The following TMCC3 variants were observed in gnomAD, a reference collection of about 807,000 sequenced individuals.
TMCC3 encodes transmembrane and coiled-coil domain protein 3.
TMCC3 carries 28 observed loss-of-function variants against 40.2 expected under a neutral mutation model. The ratio of observed to expected loss-of-function variants is 0.70; its 90% CI spans 0.52 to 0.95. The LOEUF is 0.95. Among genes scored for constraint, TMCC3 ranks in the 40% least tolerant of loss-of-function variants. The pLI, the probability that TMCC3 is intolerant of heterozygous loss-of-function variation, is 0.00. For synonymous variants in TMCC3, 255 were observed against 248.5 expected, an observed-to-expected ratio of 1.03 and a Z score of -0.25; for missense variants, 554 against 615.2, an observed-to-expected ratio of 0.90 and a Z score of 1.05.
intron 1 of TMCC3, among the ~76,000 whole-genome samples, chr12:94,627,793 C>A (rs1244846451): frequency 6.6e-6 from 1 of 152,238 alleles, no homozygotes; most frequent in Non-Finnish European, 1.5e-5. Flanking sequence ...GCCCTCTTGT[C>A]TATTTCTCAG....
At chr12:94,628,647 T>C (rs58012536) in intron 1 of TMCC3, among the ~76,000 whole-genome samples, 12,295 of 152,252 alleles carry the variant, frequency 0.081, 531 homozygotes, top group South Asian at 0.17. Flanking sequence ...AACAGCGAGA[T>C]GGACCCTTTC....
chr12:94,579,931 C>T (rs7977700), intron 2 of TMCC3, among the ~76,000 whole-genome samples: 94,948 of 152,046 alleles, frequency 0.62, 30,572 homozygotes, highest in African/African-American at 0.79. Flanking sequence ...TTCGATAGAA[C>T]TGACGTTCAT....
intron 1 of TMCC3, among the ~76,000 whole-genome samples, chr12:94,592,393 A>C: frequency 6.6e-6 from 1 of 151,834 alleles, no homozygotes; most frequent in Non-Finnish European, 1.5e-5. Flanking sequence ...TAATCTAAGT[A>C]CTTTGGGAGG....
At chr12:94,595,863 G>GA (rs11360831) in intron 1 of TMCC3, among the ~76,000 whole-genome samples, 8 of 151,016 alleles carry the variant, frequency 5.3e-5, no homozygotes, top group Non-Finnish European at 1.0e-4. Context: ...TCCACTTAAA[G>GA]AAAAAAAAAA....
chr12:94,594,709 G>A (rs548699344), intron 1 of TMCC3, among the ~76,000 whole-genome samples: 1 of 152,260 alleles, frequency 6.6e-6, no homozygotes, highest in Non-Finnish European at 1.5e-5. Flanking sequence ...AGAGAAAAGA[G>A]GCCAAGCCTG....
At chr12:94,590,894 T>C in intron 1 of TMCC3, 2 of 583,550 alleles carry the variant, frequency 3.4e-6, no homozygotes, top group African/African-American at 1.9e-5. Flanking sequence ...GGGCTCAGCC[T>C]AGATGAGTGA....
chr12:94,582,266 C>T lies in TMCC3; in HGVS notation c.351G>A (p.Lys117=). The change falls in exon 2 of 4, where the codon AAG becomes AAA. Residue 117 remains lysine (K), a synonymous_variant. Coordinates refer to ENST00000261226, the MANE Select transcript of TMCC3 (RefSeq NM_020698.4). The stretch of plus-strand genomic sequence containing the variant: ...TGGAGTGAGCTGATTTCTGATTCTT[C>T]TTCTCAAAGACTTGCTTGATACGTC... ...QAGRIKQVFE[K]KNQKSAHSIA... The T allele has an allele frequency of 6.2e-7, 1 of 1,614,144 alleles. No homozygotes were observed. Among genetic ancestry groups the T allele is most frequent in the Non-Finnish European group, 8.5e-7 (1 of 1,180,048 alleles).
chr12:94,576,978 T>C (rs2068569078), intron 3 of TMCC3, among the ~76,000 whole-genome samples: 1 of 152,190 alleles, frequency 6.6e-6, no homozygotes, highest in Non-Finnish European at 1.5e-5. Flanking sequence ...AAGAATGACT[T>C]GCAAGACCTT....
chr12:94,634,761 G>T (rs2068951532), intron 1 of TMCC3, among the ~76,000 whole-genome samples: 1 of 152,146 alleles, frequency 6.6e-6, no homozygotes, highest in Admixed American at 6.5e-5. Flanking sequence ...TTTAATTTTG[G>T]TGCCCACATG....
At chr12:94,588,697 C>A (rs1555282244) in intron 1 of TMCC3, among the ~76,000 whole-genome samples, 9 of 152,190 alleles carry the variant, frequency 5.9e-5, no homozygotes, top group Non-Finnish European at 1.3e-4. Flanking sequence ...ACATTTTTTA[C>A]TATTAATCAC....
At chr12:94,610,241 G>A (rs1324223147) in intron 1 of TMCC3, among the ~76,000 whole-genome samples, 1 of 152,166 alleles carries the variant, frequency 6.6e-6, no homozygotes, top group African/African-American at 2.4e-5. Flanking sequence ...TGCACTGGAG[G>A]TAGAAGAAAG....
intron 1 of TMCC3, among the ~76,000 whole-genome samples, chr12:94,629,071 G>A (rs1376339991): frequency 6.6e-6 from 1 of 152,112 alleles, no homozygotes; most frequent in Non-Finnish European, 1.5e-5. Context: ...TTCCATCTGA[G>A]TCAAATCAAA....
In TMCC3 at chr12:94,589,352, A is replaced by C. The variant is rs2068658008; in HGVS notation, c.79-6814T>G. Among the ~76,000 whole-genome samples the C allele has an allele frequency of 2.0e-5, 3 of 152,182 alleles. No individual in the cohort carries two copies. The South Asian group carries it at 6.2e-4, about 32-fold the overall frequency. ...TATAAAAGAAAGGCTTATTCCATGCAAATGCTAGAAAGTTGGCTGTGAGTC... is the reference window on the plus strand; with the variant it reads ...TATAAAAGAAAGGCTTATTCCATGCCAATGCTAGAAAGTTGGCTGTGAGTC... On this transcript the variant is annotated intron_variant, in intron 1 of 3. Transcript: ENST00000261226.
At chr12:94,643,675 G>A (rs2138887180) in intron 1 of TMCC3, among the ~76,000 whole-genome samples, 1 of 152,290 alleles carries the variant, frequency 6.6e-6, no homozygotes, top group South Asian at 2.1e-4. Flanking sequence ...GCAAAAGACT[G>A]GCAATGTGCA....
chr12:94,623,544 C>G (rs904562684), intron 1 of TMCC3, among the ~76,000 whole-genome samples: 3 of 152,232 alleles, frequency 2.0e-5, no homozygotes, highest in Admixed American at 6.5e-5. Context: ...TCTTATTCTT[C>G]AGGAGCGAAT....
intron 1 of TMCC3, among the ~76,000 whole-genome samples, chr12:94,595,897 C>T (rs981979251): frequency 6.6e-6 from 1 of 152,084 alleles, no homozygotes; most frequent in East Asian, 1.9e-4. Flanking sequence ...TACATTCAAT[C>T]GATATTTTGG....
intron 1 of TMCC3, among the ~76,000 whole-genome samples, chr12:94,623,598 T>C (rs1816083111): frequency 6.6e-6 from 1 of 152,204 alleles, no homozygotes; most frequent in South Asian, 2.1e-4. Flanking sequence ...ACGGTGTCCA[T>C]CTTTACCGGC....
At chr12:94,615,516 G>T (rs2068842925) in intron 1 of TMCC3, among the ~76,000 whole-genome samples, 1 of 152,222 alleles carries the variant, frequency 6.6e-6, no homozygotes, top group South Asian at 2.1e-4. Flanking sequence ...CGAAAGACTA[G>T]ATATTAAAGT....
intron 1 of TMCC3, among the ~76,000 whole-genome samples, chr12:94,645,240 T>C (rs2069011706): frequency 6.6e-6 from 1 of 152,196 alleles, no homozygotes; most frequent in Non-Finnish European, 1.5e-5. Context: ...GCATTAAACA[T>C]ATAAACAGTC....
Sources: gnomAD v4.1 joint callset for allele counts (sites outside exome capture counted in the v4.1 genomes callset) on GRCh38, gnomAD v4.1.1 for gene constraint, MANE v1.5 for transcripts, NCBI Gene and HGNC (gene_info 2026-07-23, HGNC 2026-07-21) for gene names.